The following RAMP1 variants were observed in gnomAD, a reference collection of about 807,000 sequenced individuals.
RAMP1 encodes the protein receptor activity-modifying protein 1.
A neutral mutation model predicts 8.2 loss-of-function variants in RAMP1; 7 were observed. That is an observed-to-expected ratio of 0.85 (90% CI 0.49 to 1.60). The LOEUF is 1.60. Among genes scored for constraint, RAMP1 ranks in the 40% most tolerant of loss-of-function variants. RAMP1 has a pLI of 0.00. For synonymous variants in RAMP1, 92 were observed against 84.7 expected (o/e 1.09, Z -0.47); for missense variants, 192 against 202.4 (o/e 0.95, Z 0.31).
rs550493992 is a variant in RAMP1 at position 237,862,114 on chromosome 2, C to T, written c.52+2387C>T. On this transcript the variant is annotated intron_variant, in intron 1 of 2. Coordinates refer to ENST00000254661, the MANE Select transcript of RAMP1 (RefSeq NM_005855.4). This position sits in a 1 kb window ranked among gnomAD's most constrained non-coding sequence, Gnocchi z 4.0. ...AAACGCATGCCTTCCTTGGCTGTCA[C>T]GTGGGAGCCAGGGGTTTTTTTAATG... Among the ~76,000 whole-genome samples, 2 of 151,984 alleles carry T rather than the reference C, an allele frequency of 1.3e-5. No individual in the cohort carries two copies. Among genetic ancestry groups the T allele is most frequent in the Admixed American group, 6.6e-5 (1 of 15,260 alleles).
In RAMP1 at chr2:237,877,280, C is replaced by G. The variant is rs781748441; in HGVS notation, c.109C>G (p.Arg37Gly). The part of the protein sequence containing the change: ...CQEANYGALL[R>G]ELCLTQFQVD... ...GGAGGCTAACTACGGTGCCCTCCTC[C>G]GGGAGCTCTGCCTCACCCAGTTCCA... The change falls in exon 2 of 3, where the codon CGG (arginine) becomes GGG (glycine). Residue 37 changes from arginine (R) to glycine (G), a missense_variant. By Grantham distance (125) the Arg-to-Gly change is moderately radical (BLOSUM62 -2). Coordinates refer to ENST00000254661, the MANE Select transcript of RAMP1 (RefSeq NM_005855.4). This position sits in a 1 kb window ranked among gnomAD's most constrained non-coding sequence, Gnocchi z 4.4. The G allele has an allele frequency of 2.5e-6, 4 of 1,613,946 alleles. No individual in the cohort carries two copies. The highest frequency in any genetic ancestry group is 3.4e-6 in the Non-Finnish European group (4 of 1,180,038).
rs977207759 is a variant in RAMP1, at chr2:237,865,891, G to A, written c.52+6164G>A. On this transcript the variant is annotated intron_variant, in intron 1 of 2. Coordinates refer to ENST00000254661, the MANE Select transcript of RAMP1 (RefSeq NM_005855.4). The surrounding 1 kb of genome is among the most constrained non-coding windows in gnomAD (Gnocchi z 4.2). ...GGCAGGGTCCTTTGCAGGAGAGGCA[G>A]CGGCGAAAGCTGCCCTTAGGAGGCA... Among the ~76,000 whole-genome samples the A allele has an allele frequency of 6.6e-6, 1 of 152,014 alleles. No individual in the cohort carries two copies. Among genetic ancestry groups the A allele is most frequent in the Non-Finnish European group, 1.5e-5 (1 of 68,034 alleles).
In RAMP1 at chr2:237,883,602, G is replaced by A. The variant is rs148500292; in HGVS notation, c.191+6240G>A. On this transcript the variant is annotated intron_variant, in intron 2 of 2. Transcript: ENST00000254661. ...AGGCCAAGGCAGAAGAATTACTTAAGCCCAGGAGTGTGAGAACAGCCTGGA... is the reference window on the plus strand; with the variant it reads ...AGGCCAAGGCAGAAGAATTACTTAAACCCAGGAGTGTGAGAACAGCCTGGA... 3.0e-3 allele frequency among the ~76,000 whole-genome samples: 452 copies of A among 152,284 alleles called. 5 individuals carry two copies. The highest frequency in any genetic ancestry group is 0.024 in the South Asian group (114 of 4,820).
intron 1 of RAMP1, among the ~76,000 whole-genome samples, chr2:237,870,658 C>T (rs1388525870): frequency 6.6e-6 from 1 of 152,068 alleles, no homozygotes; most frequent in East Asian, 1.9e-4. Flanking sequence ...ATGAAGAGTG[C>T]CGGTTGACAA....
chr2:237,904,887 C>T (rs1212100597), intron 2 of RAMP1, among the ~76,000 whole-genome samples: 1 of 152,088 alleles, frequency 6.6e-6, no homozygotes, highest in African/African-American at 2.4e-5. Context: ...AGGGCCCAGG[C>T]TCAGATATTT....
chr2:237,862,939 C>A lies in RAMP1; in HGVS notation c.52+3212C>A, dbSNP rs1409497187. On this transcript the variant is annotated intron_variant, in intron 1 of 2. Transcript: ENST00000254661. The surrounding 1 kb of genome is among the most constrained non-coding windows in gnomAD (Gnocchi z 4.0). ...CTGTGAGCCATGGGGGAGTACCTGT[C>A]CATGACATAGAGCACTCCTGAAGCC... Among the ~76,000 whole-genome samples, 1 of 152,182 alleles carries A rather than the reference C, an allele frequency of 6.6e-6. No homozygotes were observed. Among genetic ancestry groups the A allele is most frequent in the African/African-American group, 2.4e-5 (1 of 41,436 alleles).
At chr2:237,891,176 G>A (rs1260566023) in intron 2 of RAMP1, among the ~76,000 whole-genome samples, 1 of 112,200 alleles carries the variant, frequency 8.9e-6, no homozygotes, top group Non-Finnish European at 1.8e-5. Flanking sequence ...TTGAGACGGA[G>A]TCTCACTCTG....
chr2:237,874,326 GCA>G lies in RAMP1; in HGVS notation c.53-2896_53-2895del, dbSNP rs529673029. ...ACCGCTGTCATTGTTTCTGGCCCCTGCACCTGCATTCGCTTCACTTGTTGGAG... is the reference window on the plus strand; with the variant it reads ...ACCGCTGTCATTGTTTCTGGCCCCTGCCTGCATTCGCTTCACTTGTTGGAG... On this transcript the variant is annotated intron_variant, in intron 1 of 2. Transcript: ENST00000254661. 3.5e-4 allele frequency among the ~76,000 whole-genome samples: 54 copies of G among 152,364 alleles called. 1 individual carries two copies. In the South Asian group the frequency reaches 0.011, roughly 30 times the overall value.
intron 2 of RAMP1, among the ~76,000 whole-genome samples, chr2:237,883,776 A>G (rs193274746): frequency 6.8e-6 from 1 of 147,272 alleles, no homozygotes; most frequent in East Asian, 2.0e-4. Context: ...TGATGGTACC[A>G]CTTGCACTCC....
intron 2 of RAMP1, among the ~76,000 whole-genome samples, chr2:237,890,902 A>T (rs1326261396): frequency 1.3e-5 from 2 of 152,208 alleles, no homozygotes; most frequent in African/African-American, 4.8e-5. Flanking sequence ...TCTTTAGAAA[A>T]TAGGCCACAC....
upstream of RAMP1, chr2:237,859,405 A>T (rs1042738026): frequency 1.4e-4 from 21 of 154,258 alleles, no homozygotes; most frequent in African/African-American, 5.0e-4. Flanking sequence ...ACATTTCAGG[A>T]GGCCTTCCTG....
chr2:237,862,332 C>T lies in RAMP1; in HGVS notation c.52+2605C>T, dbSNP rs2062140838. On this transcript the variant is annotated intron_variant, in intron 1 of 2. Coordinates refer to ENST00000254661, the MANE Select transcript of RAMP1 (RefSeq NM_005855.4). The surrounding 1 kb of genome is among the most constrained non-coding windows in gnomAD (Gnocchi z 4.0). ...TCAACTCAGTGTGTTTGTTTACCCTCTCTGTGTGTCTAGCTGCAGGAAGAA... is the reference window on the plus strand; with the variant it reads ...TCAACTCAGTGTGTTTGTTTACCCTTTCTGTGTGTCTAGCTGCAGGAAGAA... Among the ~76,000 whole-genome samples the T allele has an allele frequency of 6.6e-6, 1 of 152,204 alleles. No homozygotes were observed. The highest frequency in any genetic ancestry group is 1.5e-5 in the Non-Finnish European group (1 of 68,050).
At chr2:237,861,790 G>A (rs2062134951) in intron 1 of RAMP1, among the ~76,000 whole-genome samples, 1 of 151,724 alleles carries the variant, frequency 6.6e-6, no homozygotes, top group African/African-American at 2.4e-5. Flanking sequence ...GGCAGAGGTT[G>A]CAGTGAGCTG....
At chr2:237,868,520 G>A (rs1338762401) in intron 1 of RAMP1, among the ~76,000 whole-genome samples, 1 of 147,936 alleles carries the variant, frequency 6.8e-6, no homozygotes, top group Non-Finnish European at 1.5e-5. Flanking sequence ...TTCTTGATCA[G>A]AATGGACAGT....
At chr2:237,864,767 G>T (rs988474015) in intron 1 of RAMP1, among the ~76,000 whole-genome samples, 1 of 152,252 alleles carries the variant, frequency 6.6e-6, no homozygotes, top group African/African-American at 2.4e-5. Flanking sequence ...CAACCATGTA[G>T]ACATGTGGTG....
intron 1 of RAMP1, among the ~76,000 whole-genome samples, chr2:237,875,111 TGAGCCCCTGG>T (rs1220201699): frequency 4.6e-5 from 7 of 152,142 alleles, no homozygotes; most frequent in African/African-American, 1.7e-4. Context: ...TGAGCCCTCC[TGAGCCCCTGG>T]GAGCTCCTGG....
intron 1 of RAMP1, among the ~76,000 whole-genome samples, chr2:237,867,207 C>A (rs1042545098): frequency 1.3e-5 from 2 of 151,996 alleles, no homozygotes; most frequent in African/African-American, 4.8e-5. Flanking sequence ...TGCAATCCAG[C>A]GTGGGCAATA....
chr2:237,904,986 C>T (rs1252988024), intron 2 of RAMP1, among the ~76,000 whole-genome samples: 16 of 152,086 alleles, frequency 1.1e-4, no homozygotes, highest in Admixed American at 1.0e-3. Context: ...CATCAGTGAT[C>T]ACACTTTCTT....
chr2:237,877,511 A>G lies in RAMP1; in HGVS notation c.191+149A>G. 1 of 1,106,200 alleles carries G rather than the reference A, an allele frequency of 9.0e-7. No individual in the cohort carries two copies. 68.5% of individuals were successfully genotyped at this position (1,106,200 alleles called of 1,614,324 possible). A position where few individuals can be genotyped will look rare whatever the true frequency, so the allele number is the denominator to read the frequency against. On this transcript the variant is annotated intron_variant, in intron 2 of 2. Transcript: ENST00000254661. The surrounding 1 kb of genome is among the most constrained non-coding windows in gnomAD (Gnocchi z 4.4). ...CAGTGGGGGGGGCCGGGATGAAGAC[A>G]GAGGAGGGAGCCAGTAGCAGGTGGA...
Sources: gnomAD v4.1 joint callset for allele counts (sites outside exome capture counted in the v4.1 genomes callset) on GRCh38, gnomAD v4.1.1 for gene constraint, Gnocchi (gnomAD v3.1) non-coding constraint, MANE v1.5 for transcripts, NCBI Gene and HGNC (gene_info 2026-07-23, HGNC 2026-07-21) for gene names.